Variants in DCAF1 observed in about 807,000 individuals in gnomAD.
DCAF1 encodes the protein DDB1 and CUL4 associated factor 1.
A neutral mutation model predicts 128.0 loss-of-function variants in DCAF1; 15 were observed. That is an observed-to-expected ratio of 0.12 (90% CI 0.08 to 0.18). DCAF1 has a LOEUF of 0.18. DCAF1 is among the 10% of genes least tolerant of loss of function. DCAF1 has a pLI of 1.00. For missense variants in DCAF1, 988 were observed against 1,649.5 expected, an observed-to-expected ratio of 0.60 and a Z score of 6.95; for synonymous variants, 610 against 603.0, an observed-to-expected ratio of 1.01 and a Z score of -0.17.
At chr3:51,405,987 T>C (rs1257188266) in intron 23 of DCAF1, among the ~76,000 whole-genome samples, 2 of 152,106 alleles carry the variant, frequency 1.3e-5, no homozygotes, top group South Asian at 4.2e-4. Flanking sequence ...TGAACTACGA[T>C]TGTGCCACTG....
chr3:51,421,074 T>A, intron 14 of DCAF1, 77 bp from the exon 15 acceptor site: 1 of 1,501,420 alleles, frequency 6.7e-7, no homozygotes, highest in Non-Finnish European at 8.9e-7. Flanking sequence ...GAGTCAAAAT[T>A]TGGTGTTCTA....
chr3:51,451,654 C>T (rs112892756), intron 6 of DCAF1, among the ~76,000 whole-genome samples: 3,231 of 151,334 alleles, frequency 0.021, 118 homozygotes, highest in African/African-American at 0.073. Context: ...CTCAGCTACA[C>T]GGGAGGCCGA....
rs548960221 is a variant in DCAF1, at chr3:51,411,675, G to A, written c.4212+704C>T. On this transcript the variant is annotated intron_variant, in intron 23 of 24. Coordinates refer to ENST00000684031, the MANE Select transcript of DCAF1 (RefSeq NM_001387579.1). ...ATAATAGACTATGCCATAAAACTGAGAAAATATAAACCAGAACTTTATAAA... is the reference window on the plus strand; with the variant it reads ...ATAATAGACTATGCCATAAAACTGAAAAAATATAAACCAGAACTTTATAAA... 7.9e-5 allele frequency among the ~76,000 whole-genome samples: 12 copies of A among 152,180 alleles called. No individual in the cohort carries two copies. In the South Asian group the frequency reaches 8.3e-4, roughly 11 times the overall value.
intron 9 of DCAF1, among the ~76,000 whole-genome samples, chr3:51,434,579 T>C (rs2107602860): frequency 6.6e-6 from 1 of 152,352 alleles, no homozygotes; most frequent in East Asian, 1.9e-4. Context: ...CCTTTTAATA[T>C]AAATAGCTCT....
intron 9 of DCAF1, 59 bp downstream of exon 9, chr3:51,440,911 T>TAA (rs138532978): frequency 6.9e-5 from 96 of 1,397,166 alleles, no homozygotes; most frequent in Non-Finnish European, 8.9e-5. Flanking sequence ...ATCTTAAATT[T>TAA]AAAAAAAAAC....
intron 4 of DCAF1, among the ~76,000 whole-genome samples, chr3:51,468,880 C>T (rs782473755): frequency 6.6e-6 from 1 of 152,214 alleles, no homozygotes; most frequent in Non-Finnish European, 1.5e-5. Flanking sequence ...CAGGCAATGA[C>T]ATTCAGCATG....
upstream of DCAF1, among the ~76,000 whole-genome samples, chr3:51,503,780 T>A (rs1553664809): frequency 6.6e-6 from 1 of 152,136 alleles, no homozygotes; most frequent in East Asian, 1.9e-4. Context: ...CCAAAGGGTG[T>A]GTAATTATGT....
chr3:51,465,878 C>T (rs376528937), intron 5 of DCAF1, among the ~76,000 whole-genome samples: 7 of 152,222 alleles, frequency 4.6e-5, no homozygotes, highest in South Asian at 2.1e-4. Flanking sequence ...GTTTTAAATG[C>T]TATTAACTCC....
At chr3:51,502,849 G>A (rs1708852090), upstream of DCAF1, among the ~76,000 whole-genome samples, 2 of 152,128 alleles carry the variant, frequency 1.3e-5, no homozygotes, top group African/African-American at 4.8e-5. Flanking sequence ...CTGGGAAAAA[G>A]AAGAGGGAGC....
intron 17 of DCAF1, among the ~76,000 whole-genome samples, chr3:51,417,603 C>T (rs1000826288): frequency 2.6e-5 from 4 of 151,990 alleles, no homozygotes; most frequent in African/African-American, 9.7e-5. Flanking sequence ...GCCTCTAGTC[C>T]CAGCTGCTCG....
intron 23 of DCAF1, among the ~76,000 whole-genome samples, chr3:51,403,986 G>GA (rs1277719514): frequency 1.3e-5 from 2 of 151,638 alleles, no homozygotes; most frequent in South Asian, 4.2e-4. Flanking sequence ...AAGCCAAAAA[G>GA]AAAAAAAAGT....
intron 2 of DCAF1, among the ~76,000 whole-genome samples, chr3:51,493,526 GA>G (rs1553659234): frequency 6.6e-6 from 1 of 151,896 alleles, no homozygotes; most frequent in African/African-American, 2.4e-5. Flanking sequence ...CCAAAAAGTA[GA>G]AACAACCCAA....
chr3:51,431,123 T>C (rs1015629222), intron 10 of DCAF1, among the ~76,000 whole-genome samples: 4 of 152,064 alleles, frequency 2.6e-5, no homozygotes, highest in Non-Finnish European at 5.9e-5. Flanking sequence ...GCCAAGATCA[T>C]GCCACTGGAC....
intron 6 of DCAF1, among the ~76,000 whole-genome samples, chr3:51,458,208 G>C (rs570041056): frequency 6.6e-5 from 10 of 152,218 alleles, no homozygotes; most frequent in Non-Finnish European, 1.5e-4. Context: ...AAAAGAAAGG[G>C]ATGGAGGAAG....
intron 7 of DCAF1, among the ~76,000 whole-genome samples, chr3:51,443,464 CCTGTAACCCCAGCTACTCAGGAGG>C (rs1277307287): frequency 6.6e-5 from 10 of 151,996 alleles, no homozygotes; most frequent in South Asian, 2.1e-4. Context: ...GTAGTGGGAA[CCTGTAACCCCAGCTACTCAGGAGG>C]CTGAGGCAGG....
Position 51,398,494 on chromosome 3 carries a change from C to T in DCAF1, c.*275G>A, listed in dbSNP as rs1317448435. 1.3e-5 allele frequency: 5 copies of T among 371,444 alleles called. No homozygotes were observed. Among genetic ancestry groups the T allele is most frequent in the African/African-American group, 2.2e-5 (1 of 46,330 alleles). The allele number at this position is 371,444 out of a possible 1,614,324, so 23.0% of individuals were successfully genotyped here. On this transcript the variant is annotated 3_prime_UTR_variant, in exon 25 of 25. Transcript: ENST00000684031. The stretch of plus-strand genomic sequence containing the variant: ...CCCCAGAGACATGGTTTTTTTTTCC[C>T]CTTGAAAGATATGTCCATCCTAGGA...
chr3:51,488,499 A>C (rs1553656475), intron 2 of DCAF1, among the ~76,000 whole-genome samples: 1 of 152,048 alleles, frequency 6.6e-6, no homozygotes, highest in East Asian at 1.9e-4. Flanking sequence ...AACATGGTGA[A>C]ACCCTGTCTC....
chr3:51,447,990 G>T (rs1702038299), intron 6 of DCAF1, among the ~76,000 whole-genome samples: 1 of 152,058 alleles, frequency 6.6e-6, no homozygotes, highest in African/African-American at 2.4e-5. Flanking sequence ...AGACACTGAG[G>T]ATATTTTCTA....
Position 51,420,006 on chromosome 3 carries a change from T to C in DCAF1, c.2964A>G (p.Pro988=). Reference sequence around the variant, plus strand: ...GTCTGTCCAGCTGTTTTTTTATGGCTGGGCTTTGGCTGTAGGCACCATGGT... The same window carrying C: ...GTCTGTCCAGCTGTTTTTTTATGGCCGGGCTTTGGCTGTAGGCACCATGGT... ...KSDHGAYSQS[P]AIKKQLDRHL... The change falls in exon 15 of 25, where the codon CCA becomes CCG. Residue 988 remains proline (P), a synonymous_variant. Coordinates refer to ENST00000684031, the MANE Select transcript of DCAF1 (RefSeq NM_001387579.1). This position sits in a 1 kb window ranked among gnomAD's most constrained non-coding sequence, Gnocchi z 6.5. The C allele has an allele frequency of 6.2e-7, 1 of 1,614,054 alleles. No individual in the cohort carries two copies. The highest frequency in any genetic ancestry group is 1.3e-5 in the African/African-American group (1 of 75,062).
Sources: gnomAD v4.1 joint callset for allele counts (sites outside exome capture counted in the v4.1 genomes callset) on GRCh38, gnomAD v4.1.1 for gene constraint, Gnocchi (gnomAD v3.1) non-coding constraint, MANE v1.5 for transcripts, NCBI Gene and HGNC (gene_info 2026-07-23, HGNC 2026-07-21) for gene names.